NSUN4: variants seen among roughly 807,000 people sequenced by gnomAD.
The protein encoded by NSUN4 is 5-cytosine rRNA methyltransferase NSUN4.
In NSUN4, 31 loss-of-function variants were observed where a neutral mutation model predicts 43.8. The ratio of observed to expected loss-of-function variants is 0.71; its 90% CI spans 0.53 to 0.96. The LOEUF (loss-of-function observed/expected upper bound fraction) is 0.96, where lower values mean the gene tolerates loss of function less well. Ranked by LOEUF, NSUN4 falls within the 40% of genes least tolerant of loss-of-function variation. The pLI, the probability that NSUN4 is intolerant of heterozygous loss-of-function variation, is 0.00. For missense variants in NSUN4, 439 were observed against 475.6 expected (o/e 0.92, Z 0.72); for synonymous variants, 167 against 184.1 (o/e 0.91, Z 0.75).
the NSUN4 span, among the ~76,000 whole-genome samples, chr1:46,384,753 A>G: frequency 6.6e-6 from 1 of 152,158 alleles, no homozygotes; most frequent in Non-Finnish European, 1.5e-5. Context: ...CGCTGTATCA[A>G]AAGCAGTCTT....
the NSUN4 span, among the ~76,000 whole-genome samples, chr1:46,373,989 T>G: frequency 9.9e-5 from 15 of 152,062 alleles, no homozygotes; most frequent in East Asian, 2.9e-3. Context: ...CCGTTAGAAA[T>G]AATTTTAAGA....
At position 46,341,523 on chromosome 1, in the gene NSUN4, G is replaced by A. The variant is rs888848431; in HGVS notation, c.93+604G>A. 56 of 1,084,288 alleles carry A rather than the reference G, an allele frequency of 5.2e-5. No homozygotes were observed. In the African/African-American group the frequency reaches 8.2e-4, roughly 16 times the overall value. The allele number at this position is 1,084,288 out of a possible 1,614,324, so 67.2% of individuals were successfully genotyped here. On this transcript the variant is annotated intron_variant, in intron 1 of 5. Transcript: ENST00000474844. ...GTGCAACGAATCCTCTCATCCTCTG[G>A]ACTCTCCTTGCTTCTCCAGAGACCC...
At position 46,353,563 on chromosome 1, in the gene NSUN4, G is replaced by A. The variant is rs555219080; in HGVS notation, c.753+535G>A. ...GCGATCTCTGCTCACTGCAGCCTCC[G>A]CCTCCTGGGTTCAAGCAATTCTCTG... On this transcript the variant is annotated intron_variant, in intron 4 of 5. Transcript: ENST00000474844. 6.6e-5 allele frequency among the ~76,000 whole-genome samples: 10 copies of A among 151,648 alleles called. No homozygotes were observed. The East Asian group carries it at 1.2e-3, about 18-fold the overall frequency.
chr1:46,348,194 C>G (rs1281492199), intron 3 of NSUN4, among the ~76,000 whole-genome samples: 1 of 152,038 alleles, frequency 6.6e-6, no homozygotes, highest in African/African-American at 2.4e-5. Context: ...GTGTCAAGTA[C>G]TCACTTCAGC....
chr1:46,379,525 G>T, the NSUN4 span, among the ~76,000 whole-genome samples: 4 of 152,186 alleles, frequency 2.6e-5, no homozygotes, highest in Non-Finnish European at 5.9e-5. Flanking sequence ...TGAGACAGGA[G>T]AATCGCTTGA....
intron 5 of NSUN4, among the ~76,000 whole-genome samples, chr1:46,361,180 A>G (rs938322277): frequency 1.3e-5 from 2 of 152,150 alleles, no homozygotes; most frequent in South Asian, 2.1e-4. Flanking sequence ...AAGCAACCCT[A>G]TCTAGTAGGA....
intron 4 of NSUN4, among the ~76,000 whole-genome samples, chr1:46,353,665 G>C (rs1249978928): frequency 6.6e-6 from 1 of 151,928 alleles, no homozygotes; most frequent in African/African-American, 2.4e-5. Context: ...TTTTAGTAGA[G>C]ACGGGGCTTC....
the NSUN4 span, among the ~76,000 whole-genome samples, chr1:46,382,583 G>A: frequency 2.0e-5 from 3 of 151,204 alleles, no homozygotes; most frequent in Non-Finnish European, 4.4e-5. Context: ...TACTTCATCA[G>A]TAATATGAGC....
At chr1:46,360,249 A>AAAAAAAT (rs1553177947) in intron 4 of NSUN4, among the ~76,000 whole-genome samples, 3 of 25,770 alleles carry the variant, frequency 1.2e-4, no homozygotes, top group African/African-American at 2.6e-4. Flanking sequence ...AAAAAAAAAA[A>AAAAAAAT]ATATATATAT....
chr1:46,347,859 C>CTTT (rs112974748), intron 3 of NSUN4, among the ~76,000 whole-genome samples: 10 of 143,142 alleles, frequency 7.0e-5, no homozygotes, highest in Admixed American at 1.4e-4. Flanking sequence ...TTTTGACTTT[C>CTTT]TTTTTTTTTT....
At chr1:46,371,343 TCGCC>T in the NSUN4 span, among the ~76,000 whole-genome samples, 1 of 150,456 alleles carries the variant, frequency 6.6e-6, no homozygotes, top group Non-Finnish European at 1.5e-5. Flanking sequence ...TCTTGCTCTG[TCGCC>T]CAAGCTGGAG....
At chr1:46,341,544 G>T in intron 1 of NSUN4, 1 of 1,125,626 alleles carries the variant, frequency 8.9e-7, no homozygotes, top group Non-Finnish European at 1.1e-6. Context: ...CTTCTCCAGA[G>T]ACCCTTTTTC....
intron 2 of NSUN4, among the ~76,000 whole-genome samples, chr1:46,345,772 G>GC (rs879711540): frequency 6.6e-6 from 1 of 152,198 alleles, no homozygotes; most frequent in Non-Finnish European, 1.5e-5. Flanking sequence ...AGAATCAAAT[G>GC]CTGAATTATG....
the NSUN4 span, among the ~76,000 whole-genome samples, chr1:46,380,841 A>G: frequency 2.4e-4 from 37 of 152,326 alleles, no homozygotes; most frequent in African/African-American, 8.2e-4. Flanking sequence ...TCTAATAATA[A>G]GTAATAACAA....
At chr1:46,357,047 T>C (rs1483748659) in intron 4 of NSUN4, among the ~76,000 whole-genome samples, 2 of 152,224 alleles carry the variant, frequency 1.3e-5, no homozygotes. Flanking sequence ...CTGACATCCA[T>C]GCCAGTGCCT....
the NSUN4 span, among the ~76,000 whole-genome samples, chr1:46,372,725 T>C: frequency 1.3e-5 from 2 of 152,028 alleles, no homozygotes; most frequent in African/African-American, 4.8e-5. Context: ...TTTGTTTTGT[T>C]TTGTTGTTGT....
At chr1:46,373,262 G>C in the NSUN4 span, among the ~76,000 whole-genome samples, 4 of 152,098 alleles carry the variant, frequency 2.6e-5, no homozygotes, top group East Asian at 5.8e-4. Context: ...TAGCCAACCT[G>C]CTCCTCCAAA....
chr1:46,365,849 C>T (rs945998708), downstream of NSUN4, among the ~76,000 whole-genome samples: 51 of 151,858 alleles, frequency 3.4e-4, no homozygotes, highest in African/African-American at 1.2e-3. Flanking sequence ...TGTAGTGGGC[C>T]GGGCAGTGTG....
At chr1:46,360,568 G>T in intron 4 of NSUN4, 136 bp from the exon 5 acceptor site, 1 of 727,182 alleles carries the variant, frequency 1.4e-6, no homozygotes, top group South Asian at 2.7e-5. Context: ...GAAGAACTTT[G>T]TCAGGTACTC....
Sources: allele counts gnomAD v4.1 joint callset (sites outside exome capture counted in the v4.1 genomes callset), GRCh38; gene constraint gnomAD v4.1.1; transcripts MANE v1.5; gene names NCBI Gene and HGNC (gene_info 2026-07-23, HGNC 2026-07-21).